Variants in NELL1 observed in about 807,000 individuals in gnomAD.
NELL1 encodes the protein neural EGFL like 1.
Under a neutral mutation model 107.4 loss-of-function variants are expected in NELL1, and 76 were observed. The ratio of observed to expected loss-of-function variants is 0.71; its 90% CI spans 0.59 to 0.86. The LOEUF is 0.86. Ranked by LOEUF, NELL1 falls within the 40% of genes least tolerant of loss-of-function variation. NELL1 has a pLI of 0.00. For missense variants in NELL1, 1,024 were observed against 1,005.5 expected (o/e 1.02, Z -0.25); for synonymous variants, 353 against 341.2 (o/e 1.03, Z -0.38).
At chr11:21,433,890 G>A (rs1478832060) in intron 15 of NELL1, among the ~76,000 whole-genome samples, 2 of 152,042 alleles carry the variant, frequency 1.3e-5, no homozygotes, top group Non-Finnish European at 1.5e-5. Context: ...GATCAGGCTG[G>A]TCTCGAACTC....
intron 15 of NELL1, among the ~76,000 whole-genome samples, chr11:21,402,867 G>T (rs573668235): frequency 6.6e-6 from 1 of 151,794 alleles, no homozygotes; most frequent in South Asian, 2.1e-4. Flanking sequence ...TGCTAAAGTA[G>T]CCCTGAAACA....
chr11:20,992,033 C>G (rs9804533), intron 12 of NELL1, among the ~76,000 whole-genome samples: 34,031 of 144,514 alleles, frequency 0.24, 4,195 homozygotes, highest in Middle Eastern at 0.44. Context: ...TTGTATTTAA[C>G]TCAATAATGT....
At chr11:21,376,751 G>A (rs1851490957) in intron 15 of NELL1, among the ~76,000 whole-genome samples, 1 of 151,998 alleles carries the variant, frequency 6.6e-6, no homozygotes, top group Admixed American at 6.6e-5. Context: ...AGTTCTCCTT[G>A]TAGAAGTATT....
chr11:21,411,303 G>T (rs898585621), intron 15 of NELL1, among the ~76,000 whole-genome samples: 5 of 151,980 alleles, frequency 3.3e-5, no homozygotes, highest in Non-Finnish European at 7.4e-5. Context: ...GTTTCACTGG[G>T]GCTCTGCAAA....
In NELL1 at chr11:20,921,681, T is replaced by C. The variant is rs146633964; in HGVS notation, c.759+2347T>C. On this transcript the variant is annotated intron_variant, in intron 7 of 19. Coordinates refer to ENST00000357134, the MANE Select transcript of NELL1 (RefSeq NM_006157.5). ...TGAATGTTTGATCATTTTATTGAGC[T>C]GAACTAAAGTTTTCAGATCATACCT... 8.8e-4 allele frequency among the ~76,000 whole-genome samples: 134 copies of C among 152,256 alleles called. 1 individual carries two copies. Among genetic ancestry groups the C allele is most frequent in the African/African-American group, 2.8e-3 (117 of 41,572 alleles).
At chr11:20,982,950 C>T (rs1851777973) in intron 12 of NELL1, among the ~76,000 whole-genome samples, 1 of 152,106 alleles carries the variant, frequency 6.6e-6, no homozygotes, top group Non-Finnish European at 1.5e-5. Flanking sequence ...TCAGATATCT[C>T]TTTTATTAGA....
intron 14 of NELL1, among the ~76,000 whole-genome samples, chr11:21,277,783 G>A (rs566551098): frequency 1.6e-4 from 25 of 152,278 alleles, no homozygotes; most frequent in African/African-American, 4.8e-4. Context: ...ATCATCCTCA[G>A]CAAACTGTTG....
At chr11:20,770,549 C>T (rs909123563) in intron 2 of NELL1, among the ~76,000 whole-genome samples, 1 of 152,182 alleles carries the variant, frequency 6.6e-6, no homozygotes, top group Non-Finnish European at 1.5e-5. Flanking sequence ...AACCTGAATG[C>T]ACAAACACCC....
At position 20,989,352 on chromosome 11, in the gene NELL1, G is replaced by A. The variant is rs551144611; in HGVS notation, c.1300+28792G>A. ...TTCCCAATTCTGGGCTGGAAAATCA[G>A]GCCTGTCTATTCACGCAGAAAGGTT... On this transcript the variant is annotated intron_variant, in intron 12 of 19. Transcript: ENST00000357134. Among the ~76,000 whole-genome samples the A allele has an allele frequency of 5.9e-5, 9 of 152,218 alleles. No homozygotes were observed. The South Asian group carries it at 1.5e-3, about 25-fold the overall frequency.
intron 12 of NELL1, among the ~76,000 whole-genome samples, chr11:21,027,455 C>T (rs1285505066): frequency 2.6e-5 from 4 of 151,030 alleles, no homozygotes; most frequent in Non-Finnish European, 2.9e-5. Flanking sequence ...AACAAGATTC[C>T]AAGCTGCCAG....
In NELL1 at chr11:21,512,263, C is replaced by T. The variant is rs141234019; in HGVS notation, c.1646-22111C>T. Among the ~76,000 whole-genome samples the T allele has an allele frequency of 2.0e-3, 306 of 152,262 alleles. 1 individual carries two copies. Among genetic ancestry groups the T allele is most frequent in the African/African-American group, 6.7e-3 (279 of 41,564 alleles). ...TTTAATGCTGGCCTTGCCTTTTCTT[C>T]TCTTTCTATCTCCCCCAAAGATAAA... On this transcript the variant is annotated intron_variant, in intron 15 of 19. Coordinates refer to ENST00000357134, the MANE Select transcript of NELL1 (RefSeq NM_006157.5).
intron 15 of NELL1, among the ~76,000 whole-genome samples, chr11:21,423,194 A>G (rs1027520044): frequency 1.3e-5 from 2 of 151,946 alleles, no homozygotes; most frequent in Admixed American, 6.6e-5. Context: ...GTGAAACCCC[A>G]TCTCCACTAA....
chr11:21,371,567 C>A (rs893657180), intron 15 of NELL1, among the ~76,000 whole-genome samples: 1 of 152,038 alleles, frequency 6.6e-6, no homozygotes, highest in African/African-American at 2.4e-5. Context: ...ATTGGAGAAG[C>A]CCTCCTATTT....
intron 13 of NELL1, among the ~76,000 whole-genome samples, chr11:21,131,331 C>T (rs1438909985): frequency 6.6e-6 from 1 of 152,136 alleles, no homozygotes; most frequent in African/African-American, 2.4e-5. Context: ...TCATTTGTGT[C>T]AGCATTCACC....
chr11:21,164,744 G>T (rs1856444775), intron 13 of NELL1, among the ~76,000 whole-genome samples: 1 of 152,172 alleles, frequency 6.6e-6, no homozygotes, highest in South Asian at 2.1e-4. Context: ...CAAGAAGATT[G>T]AAGGAGAACA....
chr11:21,533,083 G>GT (rs371083263), intron 15 of NELL1, among the ~76,000 whole-genome samples: 2 of 152,312 alleles, frequency 1.3e-5, no homozygotes, highest in African/African-American at 4.8e-5. Flanking sequence ...AAGGGATGAT[G>GT]TATGTGAAAA....
chr11:21,249,339 C>A, intron 14 of NELL1, among the ~76,000 whole-genome samples: 1 of 152,022 alleles, frequency 6.6e-6, no homozygotes, highest in African/African-American at 2.4e-5. Flanking sequence ...ATGCATTTTT[C>A]CCTCAGGCAT....
chr11:20,817,025 T>G (rs1057024801), intron 3 of NELL1, among the ~76,000 whole-genome samples: 3 of 152,142 alleles, frequency 2.0e-5, no homozygotes, highest in Admixed American at 2.0e-4. Context: ...TTGATGTGCT[T>G]CTGGTTTCAG....
chr11:21,088,433 T>C (rs78643150), intron 12 of NELL1, among the ~76,000 whole-genome samples: 432 of 152,226 alleles, frequency 2.8e-3, no homozygotes, highest in African/African-American at 9.9e-3. Context: ...ACAACAAATC[T>C]AGTGAGTCCA....
Sources: allele counts gnomAD v4.1 joint callset (sites outside exome capture counted in the v4.1 genomes callset), GRCh38; gene constraint gnomAD v4.1.1; transcripts MANE v1.5; gene names NCBI Gene and HGNC (gene_info 2026-07-23, HGNC 2026-07-21).